DCAF8L2: variants seen among roughly 807,000 people sequenced by gnomAD.
DCAF8L2 encodes DDB1 and CUL4 associated factor 8 like 2.
For missense variants in DCAF8L2, 430 were observed against 490.7 expected, an observed-to-expected ratio of 0.88 and a Z score of 1.17; for synonymous variants, 200 against 190.9, an observed-to-expected ratio of 1.05 and a Z score of -0.39.
At chrX:27,706,054 G>A (rs5971212) in intron 3 of DCAF8L2, among the ~76,000 whole-genome samples, 12 of 109,504 alleles carry the variant, frequency 1.1e-4, no homozygotes, top group Non-Finnish European at 2.3e-4. Flanking sequence ...GGTGACCCTC[G>A]TTTCCCTATT....
At chrX:27,583,345 G>A in the DCAF8L2 span, among the ~76,000 whole-genome samples, 1 of 111,773 alleles carries the variant, frequency 8.9e-6, no homozygotes, top group African/African-American at 3.3e-5. Context: ...GACTCATCTT[G>A]TATTTTTCCT....
the DCAF8L2 span, among the ~76,000 whole-genome samples, chrX:27,534,300 A>G: frequency 9.0e-5 from 10 of 111,474 alleles, no homozygotes; most frequent in East Asian, 2.5e-3. Flanking sequence ...TCTTGTTTTT[A>G]TGAAAACACA....
At chrX:27,637,143 G>T (rs777201436) in intron 2 of DCAF8L2, among the ~76,000 whole-genome samples, 41 of 111,729 alleles carry the variant, frequency 3.7e-4, no homozygotes, top group Admixed American at 2.9e-4. Context: ...GTCATATGCA[G>T]AGCTTAATCT....
At chrX:27,598,331 T>G (rs1602638533) in intron 1 of DCAF8L2, among the ~76,000 whole-genome samples, 1 of 111,443 alleles carries the variant, frequency 9.0e-6, no homozygotes, top group Non-Finnish European at 1.9e-5. Flanking sequence ...TTCTTGAAGG[T>G]AGAATGTAAT....
intron 1 of DCAF8L2, among the ~76,000 whole-genome samples, chrX:27,611,637 C>G (rs1366246025): frequency 2.8e-5 from 3 of 109,046 alleles, no homozygotes. Flanking sequence ...TGTTCCCTGC[C>G]CTGTGTCCAA....
At chrX:27,709,037 A>C (rs1931435159) in intron 3 of DCAF8L2, among the ~76,000 whole-genome samples, 1 of 112,183 alleles carries the variant, frequency 8.9e-6, no homozygotes. Context: ...CTCCTGCCTC[A>C]GCCTCCCGAA....
chrX:27,644,988 C>T (rs1928884803), intron 2 of DCAF8L2, among the ~76,000 whole-genome samples: 1 of 112,108 alleles, frequency 8.9e-6, no homozygotes, highest in Non-Finnish European at 1.9e-5. Flanking sequence ...GATCTCCTGA[C>T]CTCGTGATCT....
chrX:27,528,474 G>A, the DCAF8L2 span, among the ~76,000 whole-genome samples: 22 of 34,967 alleles, frequency 6.3e-4, 1 homozygote, highest in East Asian at 0.04. Context: ...TTATGTGTAT[G>A]TGTATATATA....
At chrX:27,523,793 G>C in the DCAF8L2 span, among the ~76,000 whole-genome samples, 2 of 109,822 alleles carry the variant, frequency 1.8e-5, no homozygotes, top group South Asian at 8.0e-4. Context: ...ACAGGGCCTG[G>C]TGTGTGATGT....
At chrX:27,470,471 T>C in the DCAF8L2 span, among the ~76,000 whole-genome samples, 78 of 112,373 alleles carry the variant, frequency 6.9e-4, no homozygotes, top group East Asian at 8.5e-4. Context: ...TGAGCTCTAA[T>C]TGGTCAATGT....
chrX:27,495,814 T>C, the DCAF8L2 span, among the ~76,000 whole-genome samples: 2 of 112,323 alleles, frequency 1.8e-5, no homozygotes, highest in African/African-American at 6.5e-5. Context: ...CACAACTTTG[T>C]GAGGATGATA....
chrX:27,479,541 G>A, the DCAF8L2 span, among the ~76,000 whole-genome samples: 2 of 111,762 alleles, frequency 1.8e-5, no homozygotes, highest in Admixed American at 9.5e-5. Context: ...TTTCCATTAT[G>A]TGTAAATTTA....
the DCAF8L2 span, among the ~76,000 whole-genome samples, chrX:27,547,621 A>G: frequency 3.6e-5 from 4 of 110,871 alleles, no homozygotes; most frequent in African/African-American, 1.3e-4. Flanking sequence ...AGGAAAAACC[A>G]CCATTTATAA....
At chrX:27,561,248 A>C in the DCAF8L2 span, among the ~76,000 whole-genome samples, 1 of 110,107 alleles carries the variant, frequency 9.1e-6, no homozygotes, top group Admixed American at 9.7e-5. Flanking sequence ...TTCTTTCTCT[A>C]CTCTCAAAAA....
At chrX:27,639,602 C>G (rs1171444464) in intron 2 of DCAF8L2, among the ~76,000 whole-genome samples, 2 of 111,670 alleles carry the variant, frequency 1.8e-5, no homozygotes, top group East Asian at 2.8e-4. Context: ...TATATAATTA[C>G]AGGTTACATA....
At chrX:27,745,200 C>T (rs1298815135) in intron 4 of DCAF8L2, among the ~76,000 whole-genome samples, 1 of 112,354 alleles carries the variant, frequency 8.9e-6, no homozygotes, top group East Asian at 2.8e-4. Context: ...GACACCTATA[C>T]TCAGGATAAG....
At chrX:27,580,387 G>A in the DCAF8L2 span, among the ~76,000 whole-genome samples, 3 of 111,518 alleles carry the variant, frequency 2.7e-5, no homozygotes, top group Non-Finnish European at 5.6e-5. Flanking sequence ...TAAACACAGA[G>A]AAGAGTAAAG....
At chrX:27,615,524 A>AATCT (rs368679663) in intron 1 of DCAF8L2, among the ~76,000 whole-genome samples, 35,443 of 104,279 alleles carry the variant, frequency 0.34, 4,899 homozygotes, top group Non-Finnish European at 0.39. Flanking sequence ...AGATTCTATC[A>AATCT]ATCTATCTAT....
At chrX:27,519,854 A>T in the DCAF8L2 span, 1 of 323,423 alleles carries the variant, frequency 3.1e-6, no homozygotes. Context: ...ATGAAAAAGG[A>T]TGTGTGAATA....
Sources: allele counts gnomAD v4.1 joint callset (sites outside exome capture counted in the v4.1 genomes callset), GRCh38; gene constraint gnomAD v4.1.1; transcripts MANE v1.5; gene names NCBI Gene and HGNC (gene_info 2026-07-23, HGNC 2026-07-21).